CSMD3: variants seen among roughly 807,000 people sequenced by gnomAD.
The protein encoded by CSMD3 is CUB and Sushi multiple domains 3.
CSMD3 carries 177 observed loss-of-function variants against 435.2 expected under a neutral mutation model. That is an observed-to-expected ratio of 0.41 (90% CI 0.36 to 0.46). CSMD3 has a LOEUF of 0.46. Among genes scored for constraint, CSMD3 ranks in the 20% least tolerant of loss-of-function variants. The pLI is 0.34. For missense variants in CSMD3, 4,265 were observed against 4,504.6 expected, an observed-to-expected ratio of 0.95 and a Z score of 1.52; for synonymous variants, 1,656 against 1,520.5, an observed-to-expected ratio of 1.09 and a Z score of -2.07.
intron 5 of CSMD3, among the ~76,000 whole-genome samples, chr8:113,046,668 G>T (rs2087849302): frequency 6.6e-6 from 1 of 152,136 alleles, no homozygotes; most frequent in South Asian, 2.1e-4. Context: ...GGCTTGAGGA[G>T]GCCGGCGTCA....
intron 11 of CSMD3, among the ~76,000 whole-genome samples, chr8:112,838,194 AT>A (rs906486329): frequency 1.3e-5 from 2 of 151,828 alleles, no homozygotes; most frequent in Admixed American, 1.3e-4. Context: ...GGGAAAGAAC[AT>A]TCTAGGGTAG....
intron 3 of CSMD3, among the ~76,000 whole-genome samples, chr8:113,269,414 C>T (rs955847315): frequency 6.6e-6 from 1 of 152,108 alleles, no homozygotes; most frequent in Admixed American, 6.6e-5. Flanking sequence ...AGCGCCATCC[C>T]CATCAAGCTA....
At chr8:113,169,473 C>T (rs988495781) in intron 4 of CSMD3, among the ~76,000 whole-genome samples, 12 of 152,108 alleles carry the variant, frequency 7.9e-5, no homozygotes, top group South Asian at 2.1e-4. Flanking sequence ...CCCTCATATG[C>T]ATTCCAAGTT....
At chr8:112,839,563 CTATT>C (rs1392273323) in intron 11 of CSMD3, among the ~76,000 whole-genome samples, 1 of 151,552 alleles carries the variant, frequency 6.6e-6, no homozygotes, top group Non-Finnish European at 1.5e-5. Flanking sequence ...TTTTAGGAGA[CTATT>C]CATTACAAAT....
At chr8:112,865,639 C>T (rs2129961160) in intron 10 of CSMD3, among the ~76,000 whole-genome samples, 1 of 150,988 alleles carries the variant, frequency 6.6e-6, no homozygotes, top group East Asian at 2.0e-4. Flanking sequence ...GCCTATTCTG[C>T]TTAATATCTC....
At chr8:112,884,190 A>G (rs2081525560) in intron 10 of CSMD3, among the ~76,000 whole-genome samples, 1 of 151,982 alleles carries the variant, frequency 6.6e-6, no homozygotes, top group South Asian at 2.1e-4. Context: ...TCCTTACTCT[A>G]TCTTTTCAAA....
chr8:112,592,634 T>C (rs953566728), intron 22 of CSMD3, among the ~76,000 whole-genome samples: 7 of 152,130 alleles, frequency 4.6e-5, no homozygotes, highest in African/African-American at 1.7e-4. Flanking sequence ...TTCAAAACTT[T>C]TTAAAATCAA....
intron 31 of CSMD3, among the ~76,000 whole-genome samples, chr8:112,473,993 C>A (rs879369064): frequency 2.0e-5 from 3 of 151,964 alleles, no homozygotes; most frequent in Admixed American, 6.6e-5. Context: ...AGTATTAAAG[C>A]TGATCGTTTG....
At chr8:112,427,736 T>C (rs1813223387) in intron 32 of CSMD3, among the ~76,000 whole-genome samples, 1 of 152,172 alleles carries the variant, frequency 6.6e-6, no homozygotes, top group African/African-American at 2.4e-5. Flanking sequence ...ACAGTATATC[T>C]TTCCATCAGC....
intron 10 of CSMD3, among the ~76,000 whole-genome samples, chr8:112,911,765 T>C (rs937707489): frequency 2.0e-5 from 3 of 146,648 alleles, no homozygotes; most frequent in Non-Finnish European, 4.5e-5. Flanking sequence ...ATATATTTAG[T>C]TAATTGTTAT....
chr8:112,747,788 C>A (rs1190822382), intron 13 of CSMD3, among the ~76,000 whole-genome samples: 1 of 151,948 alleles, frequency 6.6e-6, no homozygotes, highest in East Asian at 1.9e-4. Flanking sequence ...ACGGTGAAAC[C>A]CCGTCTCTAC....
At chr8:112,300,170 T>C (rs1007899090) in intron 53 of CSMD3, among the ~76,000 whole-genome samples, 1 of 147,312 alleles carries the variant, frequency 6.8e-6, no homozygotes, top group Non-Finnish European at 1.5e-5. Context: ...ATTTAAATTA[T>C]ATATCATTTA....
At chr8:112,637,794 C>CT (rs1041777376) in intron 21 of CSMD3, among the ~76,000 whole-genome samples, 3 of 151,942 alleles carry the variant, frequency 2.0e-5, no homozygotes, top group Non-Finnish European at 4.4e-5. Flanking sequence ...ATTACTTGGA[C>CT]TTTTTTTAAC....
At chr8:112,513,146 T>C (rs1823305774) in intron 28 of CSMD3, among the ~76,000 whole-genome samples, 1 of 152,220 alleles carries the variant, frequency 6.6e-6, no homozygotes, top group Non-Finnish European at 1.5e-5. Context: ...ATCATTCCTG[T>C]GTTCACTAGA....
chr8:112,452,578 G>A (rs1043255439), intron 32 of CSMD3, among the ~76,000 whole-genome samples: 4 of 152,122 alleles, frequency 2.6e-5, no homozygotes, highest in Non-Finnish European at 2.9e-5. Context: ...AGATGTAGAA[G>A]TACCTACCTA....
intron 9 of CSMD3, among the ~76,000 whole-genome samples, chr8:112,934,934 G>T (rs2083232644): frequency 6.6e-6 from 1 of 151,696 alleles, no homozygotes; most frequent in Non-Finnish European, 1.5e-5. Context: ...TTCTGATTTT[G>T]TTTTTTTGCC....
At position 113,042,836 on chromosome 8, in the gene CSMD3, T is replaced by G. The variant is rs180979756; in HGVS notation, c.918-23657A>C. ...CACCCAGCCAGATAAACCTTAAATG[T>G]GCTGCTTTTAACCTGGCCTCTAACT... On this transcript the variant is annotated intron_variant, in intron 5 of 70. Transcript: ENST00000297405. 2.0e-3 allele frequency among the ~76,000 whole-genome samples: 300 copies of G among 152,272 alleles called. 4 individuals carry two copies. The highest frequency in any genetic ancestry group is 4.6e-4 in the Non-Finnish European group (31 of 68,008).
At chr8:113,329,396 TGAA>T (rs2094010240) in intron 1 of CSMD3, among the ~76,000 whole-genome samples, 1 of 152,068 alleles carries the variant, frequency 6.6e-6, no homozygotes, top group African/African-American at 2.4e-5. Flanking sequence ...TTGAAGTTCA[TGAA>T]GAAGAATCAG....
intron 2 of CSMD3, among the ~76,000 whole-genome samples, chr8:113,300,515 G>T (rs1445846206): frequency 1.3e-5 from 2 of 152,130 alleles, no homozygotes; most frequent in Admixed American, 6.5e-5. Context: ...CCATAAGAAA[G>T]AATGAAATCA....
Sources: allele counts gnomAD v4.1 joint callset (sites outside exome capture counted in the v4.1 genomes callset), GRCh38; gene constraint gnomAD v4.1.1; transcripts MANE v1.5; gene names NCBI Gene and HGNC (gene_info 2026-07-23, HGNC 2026-07-21).